Variants in KRT32 observed in about 807,000 individuals in gnomAD.
KRT32 encodes the protein keratin, type I cuticular Ha2.
A neutral mutation model predicts 41.8 loss-of-function variants in KRT32; 44 were observed. That is an observed-to-expected ratio of 1.05 (90% CI 0.83 to 1.35). The LOEUF (loss-of-function observed/expected upper bound fraction) is 1.35. Among genes scored for constraint, KRT32 ranks in the 40% most tolerant of loss-of-function variants. KRT32 has a pLI of 0.00. For missense variants in KRT32, 576 were observed against 584.6 expected, an observed-to-expected ratio of 0.99 and a Z score of 0.15; for synonymous variants, 238 against 242.5, an observed-to-expected ratio of 0.98 and a Z score of 0.17.
chr17:41,461,114 C>G (rs1993356), intron 6 of KRT32, among the ~76,000 whole-genome samples: 148,415 of 152,204 alleles, frequency 0.98, 72,480 homozygotes, highest in East Asian at 1. Context: ...CAACTCAACT[C>G]TCACGTCCTC....
chr17:41,465,794 G>A lies in KRT32; in HGVS notation c.687C>T (p.Cys229=), dbSNP rs117928429. The A allele has an allele frequency of 0.03, 47,580 of 1,611,304 alleles. 845 individuals carry two copies. The highest frequency in any genetic ancestry group is 0.035 in the Non-Finnish European group (41,624 of 1,178,666). ...TCACCTCCTCATGGTTCTTTTTGAG[G>A]CACATCAGCTCCTCCTTCAGGGACT... is the stretch of plus-strand genomic sequence containing the variant. The part of the protein sequence containing the change: ...QVESLKEELM[C]LKKNHEEEVG... Residue 229 remains cysteine (C), a synonymous_variant, in exon 3 of 7, where the codon TGC becomes TGT. Transcript: ENST00000225899.
Position 41,465,822 on chromosome 17 carries a change from A to G in KRT32, c.659T>C (p.Val220Ala), listed in dbSNP as rs369737962. Residue 220 changes from valine (V) to alanine (A), a missense_variant, in exon 3 of 7, where the codon GTT (valine) becomes GCT (alanine). Val to Ala is a moderately conservative substitution (Grantham distance 64). Coordinates refer to ENST00000225899, the MANE Select transcript of KRT32 (RefSeq NM_002278.3). ...TLCKADLEAQ[V>A]ESLKEELMCL... ...CATCAGCTCCTCCTTCAGGGACTCA[A>G]CCTGGGCCTCCAGGTCAGCCTTGCA... 1.2e-6 allele frequency: 2 copies of G among 1,613,336 alleles called. No individual in the cohort carries two copies. The highest frequency in any genetic ancestry group is 1.3e-5 in the African/African-American group (1 of 74,814).
At position 41,466,109 on chromosome 17, in the gene KRT32, T is replaced by C. The variant is rs2019064939; in HGVS notation, c.536A>G (p.Asp179Gly). ...VNIDNAKLAADDFRAKYEAEL... is the reference protein window; with the variant it reads ...VNIDNAKLAAGDFRAKYEAEL... ...CTGAACTCACTTGGCCCTGAAGTCA[T>C]CGGCAGCCAGTTTGGCATTATCAAT... Residue 179 changes from aspartate to glycine, a missense_variant, in exon 2 of 7, where the codon GAT (aspartate) becomes GGT (glycine). Coordinates refer to ENST00000225899, the MANE Select transcript of KRT32 (RefSeq NM_002278.3). The C allele has an allele frequency of 6.2e-7, 1 of 1,614,178 alleles. No homozygotes were observed. The highest frequency in any genetic ancestry group is 1.3e-5 in the African/African-American group (1 of 75,032).
chr17:41,460,671 G>A (rs2018993389), intron 6 of KRT32, among the ~76,000 whole-genome samples: 2 of 152,126 alleles, frequency 1.3e-5, no homozygotes, highest in South Asian at 2.1e-4. Context: ...GACACAGGGA[G>A]GGGAACATCA....
chr17:41,466,889 T>C lies in KRT32; in HGVS notation c.437A>G (p.His146Arg). 1 of 1,613,982 alleles carries C rather than the reference T, an allele frequency of 6.2e-7. No individual in the cohort carries two copies. Among genetic ancestry groups the C allele is most frequent in the Non-Finnish European group, 8.5e-7 (1 of 1,179,872 alleles). ...CTGGAGCTCCTCAATGGTCCTGAAA[T>C]GAGACTGGTAGTCAGGAGTCATGGT... The part of the protein sequence containing the change: ...VLTMTPDYQS[H>R]FRTIEELQQK... The change falls in exon 1 of 7, where the codon CAT becomes CGT. Residue 146 changes from histidine (H) to arginine (R), a missense_variant. Coordinates refer to ENST00000225899, the MANE Select transcript of KRT32 (RefSeq NM_002278.3).
chr17:41,463,403 C>G (rs896664380), intron 5 of KRT32, among the ~76,000 whole-genome samples: 4 of 152,148 alleles, frequency 2.6e-5, no homozygotes, highest in African/African-American at 9.7e-5. Flanking sequence ...CATGGGAGCC[C>G]TCAAAAAATA....
intron 6 of KRT32, among the ~76,000 whole-genome samples, chr17:41,462,263 G>A (rs566116738): frequency 2.6e-5 from 4 of 151,982 alleles, no homozygotes; most frequent in Non-Finnish European, 5.9e-5. Flanking sequence ...AGTATGACCC[G>A]TGTTGTTCTC....
intron 3 of KRT32, among the ~76,000 whole-genome samples, chr17:41,465,051 A>C (rs1171626937): frequency 6.6e-6 from 1 of 151,930 alleles, no homozygotes; most frequent in East Asian, 1.9e-4. Context: ...TGTTCATTCA[A>C]ATCCCAAGTC....
chr17:41,462,625 T>G (rs2071564), intron 6 of KRT32, among the ~76,000 whole-genome samples: 1 of 152,114 alleles, frequency 6.6e-6, no homozygotes, highest in Admixed American at 6.5e-5. Context: ...TGGAATGAGA[T>G]AGAATGGTCT....
chr17:41,463,171 C>A, intron 5 of KRT32, 121 bp from the exon 6 acceptor site: 1 of 902,900 alleles, frequency 1.1e-6, no homozygotes, highest in Non-Finnish European at 1.6e-6. Flanking sequence ...CTACACCAGT[C>A]ACTTTGGAAA....
rs1448128971 is a variant in KRT32 at position 41,467,209 on chromosome 17, A to G, written c.117T>C (p.Tyr39=). Residue 39 remains tyrosine (Y), a synonymous_variant, in exon 1 of 7, where the codon TAT becomes TAC. Transcript: ENST00000225899. The part of the protein sequence containing the change: ...VNCRPELCLG[Y]VCQPMACLPS... Reference sequence around the variant, plus strand: ...GCAGGCATGCCATGGGCTGGCAGACATAGCCCAGGCACAGCTCAGGCCGGC... The same window carrying G: ...GCAGGCATGCCATGGGCTGGCAGACGTAGCCCAGGCACAGCTCAGGCCGGC... 2 of 1,613,886 alleles carry G rather than the reference A, an allele frequency of 1.2e-6. No individual in the cohort carries two copies. Among genetic ancestry groups the G allele is most frequent in the Admixed American group, 1.7e-5 (1 of 60,034 alleles).
rs899061409 is a variant in KRT32, at chr17:41,464,273, G to A, written c.870+9C>T. The A allele has an allele frequency of 6.3e-7, 1 of 1,589,926 alleles. No homozygotes were observed. On this transcript the variant is annotated intron_variant, in intron 4 of 6. Transcript: ENST00000225899. ...ATGGAGGAGGCCATCCCCACCGTGA[G>A]AGGCCCACCTGCATATTGAACCATT...
Position 41,462,916 on chromosome 17 carries a change from C to CTGG in KRT32, c.1128_1130dup (p.Asn376_Gln377insHis), listed in dbSNP as rs1407703156. 6.2e-7 allele frequency: 1 copy of CTGG among 1,613,994 alleles called. No individual in the cohort carries two copies. The highest frequency in any genetic ancestry group is 8.5e-7 in the Non-Finnish European group (1 of 1,180,014). On this transcript the variant is annotated inframe_insertion, in exon 6 of 7. Coordinates refer to ENST00000225899, the MANE Select transcript of KRT32 (RefSeq NM_002278.3). ...GGACGTCCAGCAGCACCTGGTACTC[C>CTGG]TGGTTCTGCCGCTCCAGGTCAGCCC...
rs192706907 is a variant in KRT32 at position 41,459,754 on chromosome 17, T to C, written c.*356A>G. ...TTGCCCACGTTCCTCTTAAGCCCAA[T>C]TGAGTAGGATTGGCTTGTGGATGCA... On this transcript the variant is annotated 3_prime_UTR_variant, in exon 7 of 7. Coordinates refer to ENST00000225899, the MANE Select transcript of KRT32 (RefSeq NM_002278.3). 3.5e-4 allele frequency: 59 copies of C among 169,114 alleles called. No individual in the cohort carries two copies. The highest frequency in any genetic ancestry group is 2.3e-4 in the Admixed American group (4 of 17,622). 10.5% of individuals were successfully genotyped at this position (169,114 alleles called of 1,614,324 possible).
chr17:41,460,108 C>T lies in KRT32; in HGVS notation c.*2G>A. 2 of 1,601,816 alleles carry T rather than the reference C, an allele frequency of 1.2e-6. No individual in the cohort carries two copies. The highest frequency in any genetic ancestry group is 1.1e-5 in the South Asian group (1 of 88,854). ...TCCAGGATCCACTGGCACAAAGGGACTTCAGTAGCGGCCCTGGGGGCAGGG... is the reference window on the plus strand; with the variant it reads ...TCCAGGATCCACTGGCACAAAGGGATTTCAGTAGCGGCCCTGGGGGCAGGG... On this transcript the variant is annotated 3_prime_UTR_variant, in exon 7 of 7. Transcript: ENST00000225899.
chr17:41,464,283 T>A lies in KRT32; in HGVS notation c.869A>T (p.Gln290Leu), dbSNP rs1162699774. Residue 290 changes from glutamine to leucine, a missense_variant and splice_region_variant, in exon 4 of 7, where the codon CAG (glutamine) becomes CTG (leucine). Physicochemically the swap from Gln to Leu is moderately radical, Grantham distance 113. Transcript: ENST00000225899. ...CCATCCCCACCGTGAGAGGCCCACCTGCATATTGAACCATTCCTCCACGTC... is the reference window on the plus strand; with the variant it reads ...CCATCCCCACCGTGAGAGGCCCACCAGCATATTGAACCATTCCTCCACGTC... ...RRDVEEWFNM[Q>L]MEELNQQVAT... is the part of the protein sequence containing the mutation. 1 of 1,595,894 alleles carries A rather than the reference T, an allele frequency of 6.3e-7. No homozygotes were observed. The highest frequency in any genetic ancestry group is 8.5e-7 in the Non-Finnish European group (1 of 1,170,822).
rs1287499745 is a variant in KRT32, at chr17:41,467,208, C to T, written c.118G>A (p.Val40Ile). 4.3e-6 allele frequency: 7 copies of T among 1,613,870 alleles called. No homozygotes were observed. The highest frequency in any genetic ancestry group is 3.3e-4 in the Middle Eastern group (2 of 6,062). ...NCRPELCLGY[V>I]CQPMACLPSV... is the part of the protein sequence containing the mutation. ...GGCAGGCATGCCATGGGCTGGCAGA[C>T]ATAGCCCAGGCACAGCTCAGGCCGG... The change falls in exon 1 of 7, where the codon GTC becomes ATC. Residue 40 changes from valine to isoleucine, a missense_variant. Physicochemically the swap from Val to Ile is conservative, Grantham distance 29. Transcript: ENST00000225899.
Position 41,459,711 on chromosome 17 carries a change from T to C in KRT32, c.*399A>G, listed in dbSNP as rs1222249229. 6.3e-6 allele frequency: 1 copy of C among 158,398 alleles called. No homozygotes were observed. Among genetic ancestry groups the C allele is most frequent in the Non-Finnish European group, 1.4e-5 (1 of 71,540 alleles). The allele number at this position is 158,398 out of a possible 1,614,324, so 9.8% of individuals were successfully genotyped here. On this transcript the variant is annotated 3_prime_UTR_variant, in exon 7 of 7. Coordinates refer to ENST00000225899, the MANE Select transcript of KRT32 (RefSeq NM_002278.3). ...AGCCTCTATGGAAGCAGAAGGAGCA[T>C]AAAAATAAATACAGAATTTGCCCAC...
At chr17:41,463,168 A>C in intron 5 of KRT32, 118 bp from the exon 6 acceptor site, 2 of 927,576 alleles carry the variant, frequency 2.2e-6, no homozygotes, top group Non-Finnish European at 1.6e-6. Context: ...TCCCTACACC[A>C]GTCACTTTGG....
Sources: gnomAD v4.1 joint callset for allele counts (sites outside exome capture counted in the v4.1 genomes callset) on GRCh38, gnomAD v4.1.1 for gene constraint, MANE v1.5 for transcripts, NCBI Gene and HGNC (gene_info 2026-07-23, HGNC 2026-07-21) for gene names.